The following BCAS3 variants were observed in gnomAD, a reference collection of about 807,000 sequenced individuals.
BCAS3 encodes the protein BCAS3 microtubule associated cell migration factor.
Under a neutral mutation model 116.1 loss-of-function variants are expected in BCAS3, and 53 were observed. The observed-to-expected ratio is 0.46, with a 90% CI of 0.37 to 0.57. The LOEUF (loss-of-function observed/expected upper bound fraction) is 0.57, where lower values mean the gene tolerates loss of function less well. Ranked by LOEUF, BCAS3 falls within the 20% of genes least tolerant of loss-of-function variation. The pLI, the probability that BCAS3 is intolerant of heterozygous loss-of-function variation, is 0.00. For synonymous variants in BCAS3, 391 were observed against 408.2 expected (o/e 0.96, Z 0.51); for missense variants, 917 against 1,165.4 (o/e 0.79, Z 3.10).
chr17:60,970,584 TAC>T (rs2061904580), intron 14 of BCAS3, among the ~76,000 whole-genome samples: 1 of 152,196 alleles, frequency 6.6e-6, no homozygotes, highest in African/African-American at 2.4e-5. Context: ...CAAAGCCTAT[TAC>T]CAGAGATATT....
intron 13 of BCAS3, among the ~76,000 whole-genome samples, chr17:60,943,122 C>T (rs2060308348): frequency 6.6e-6 from 1 of 152,010 alleles, no homozygotes; most frequent in African/African-American, 2.4e-5. Flanking sequence ...TTGAAATTAG[C>T]ATTTCATAAA....
In BCAS3 at chr17:61,281,233, A is replaced by T. The variant is rs1340042352; in HGVS notation, c.2426-87094A>T. Among the ~76,000 whole-genome samples the T allele has an allele frequency of 1.3e-5, 2 of 152,196 alleles. No homozygotes were observed. Among genetic ancestry groups the T allele is most frequent in the Non-Finnish European group, 2.9e-5 (2 of 68,024 alleles). On this transcript the variant is annotated intron_variant, in intron 22 of 23. Coordinates refer to ENST00000407086, the MANE Select transcript of BCAS3 (RefSeq NM_017679.5). This position sits in a 1 kb window ranked among gnomAD's most constrained non-coding sequence, Gnocchi z 4.2. ...TTCCACAATTTATTTCACAATGCCT[A>T]TTGTTGGATGTATAGATGGTCTTCA...
chr17:60,845,075 C>T (rs957411454), intron 7 of BCAS3, among the ~76,000 whole-genome samples: 1 of 152,060 alleles, frequency 6.6e-6, no homozygotes, highest in Non-Finnish European at 1.5e-5. Flanking sequence ...ACTAAAAATA[C>T]AAAAATTAGA....
intron 6 of BCAS3, among the ~76,000 whole-genome samples, chr17:60,806,810 C>T (rs1432593982): frequency 1.3e-5 from 2 of 152,134 alleles, no homozygotes; most frequent in African/African-American, 2.4e-5. Context: ...AGAGTACAGG[C>T]GTGAGCAGGC....
chr17:60,745,277 A>T (rs2041933309), intron 5 of BCAS3, among the ~76,000 whole-genome samples: 1 of 151,798 alleles, frequency 6.6e-6, no homozygotes, highest in Non-Finnish European at 1.5e-5. Flanking sequence ...TTTTTATTTT[A>T]TTAATAGAAA....
chr17:60,786,300 G>A (rs1025328122), intron 6 of BCAS3, among the ~76,000 whole-genome samples: 1 of 152,010 alleles, frequency 6.6e-6, no homozygotes, highest in African/African-American at 2.4e-5. Flanking sequence ...CCCTGTTTGG[G>A]TGTGTCCTTC....
chr17:61,063,935 G>A lies in BCAS3; in HGVS notation c.2030-10985G>A, dbSNP rs1299943870. Among the ~76,000 whole-genome samples, 1 of 152,040 alleles carries A rather than the reference G, an allele frequency of 6.6e-6. No homozygotes were observed. The highest frequency in any genetic ancestry group is 1.5e-5 in the Non-Finnish European group (1 of 68,004). ...ATTTGTAAACTGCTGATTTCTCTGG[G>A]GCATTGTCTCCATAAACTTTTGGTA... On this transcript the variant is annotated intron_variant, in intron 19 of 23. Coordinates refer to ENST00000407086, the MANE Select transcript of BCAS3 (RefSeq NM_017679.5). The surrounding 1 kb of genome is among the most constrained non-coding windows in gnomAD (Gnocchi z 5.3).
At chr17:61,069,607 G>A (rs2071092925) in intron 19 of BCAS3, among the ~76,000 whole-genome samples, 1 of 152,112 alleles carries the variant, frequency 6.6e-6, no homozygotes. Context: ...GGAGGCTAAG[G>A]CGGGTGGATC....
intron 18 of BCAS3, among the ~76,000 whole-genome samples, chr17:61,040,056 A>G (rs974691945): frequency 6.6e-6 from 1 of 152,234 alleles, no homozygotes; most frequent in African/African-American, 2.4e-5. Flanking sequence ...AAAACCTGGA[A>G]TAAAACCTCT....
chr17:61,048,247 CAG>C (rs1469370995), intron 19 of BCAS3, among the ~76,000 whole-genome samples: 6 of 152,070 alleles, frequency 3.9e-5, no homozygotes, highest in East Asian at 1.9e-4. Flanking sequence ...GATGGACTAA[CAG>C]GGGTCAGTTT....
At chr17:60,989,819 C>T (rs2063409509) in intron 14 of BCAS3, 152 bp from the exon 15 acceptor site, 3 of 767,320 alleles carry the variant, frequency 3.9e-6, no homozygotes, top group African/African-American at 3.5e-5. Context: ...TTGTGAAATG[C>T]ATCTGTAGAG....
chr17:61,154,379 G>A (rs1214716244), intron 22 of BCAS3, among the ~76,000 whole-genome samples: 1 of 151,870 alleles, frequency 6.6e-6, no homozygotes. Flanking sequence ...GATTTTCTTT[G>A]CAAAAATTCT....
At chr17:60,853,156 ATGCATAT>A (rs533571868) in intron 7 of BCAS3, among the ~76,000 whole-genome samples, 139 of 152,362 alleles carry the variant, frequency 9.1e-4, no homozygotes, top group African/African-American at 3.2e-3. Flanking sequence ...GGAGGAATGA[ATGCATAT>A]TACTCCGTAA....
At position 60,715,688 on chromosome 17, in the gene BCAS3, A is replaced by G. The variant is rs572409157; in HGVS notation, c.321+6363A>G. ...TTTTTAGTAGAGATGGGGTTTCACC[A>G]TATTGGCCAGTCTTGAACTCCTAAC... On this transcript the variant is annotated intron_variant, in intron 5 of 23. Transcript: ENST00000407086. 7.9e-5 allele frequency among the ~76,000 whole-genome samples: 12 copies of G among 151,444 alleles called. No homozygotes were observed. The East Asian group carries it at 2.4e-3, about 30-fold the overall frequency.
In BCAS3 at chr17:61,186,932, G is replaced by C. The variant is rs545128454; in HGVS notation, c.2425+102368G>C. Among the ~76,000 whole-genome samples, 137 of 152,164 alleles carry C rather than the reference G, an allele frequency of 9.0e-4. No homozygotes were observed. The highest frequency in any genetic ancestry group is 1.8e-3 in the Admixed American group (27 of 15,286). On this transcript the variant is annotated intron_variant, in intron 22 of 23. Coordinates refer to ENST00000407086, the MANE Select transcript of BCAS3 (RefSeq NM_017679.5). This position sits in a 1 kb window ranked among gnomAD's most constrained non-coding sequence, Gnocchi z 4.9. ...TCACCGTGTTAGCCAGGATGGTCTCGATCTCCTGACCTCGTGATCCACCCA... is the reference window on the plus strand; with the variant it reads ...TCACCGTGTTAGCCAGGATGGTCTCCATCTCCTGACCTCGTGATCCACCCA...
rs1210604137 is a variant in BCAS3, at chr17:61,344,079, G to A, written c.2426-24248G>A. 6.6e-6 allele frequency among the ~76,000 whole-genome samples: 1 copy of A among 152,108 alleles called. No homozygotes were observed. The highest frequency in any genetic ancestry group is 1.5e-5 in the Non-Finnish European group (1 of 68,008). On this transcript the variant is annotated intron_variant, in intron 22 of 23. Transcript: ENST00000407086. This position sits in a 1 kb window ranked among gnomAD's most constrained non-coding sequence, Gnocchi z 4.1. ...TAAGATCAGAGAGTAGAAGACTAGG[G>A]CCAGGAGCGTGGGACAGGCTAAGGA...
rs1455093321 is a variant in BCAS3, at chr17:61,056,063, C to T, written c.2029+15171C>T. ...GTAACCAGGCTGGAAAAGGATTTGA[C>T]CCTTCCTTGGTCACTGCATTCCAGA... On this transcript the variant is annotated intron_variant, in intron 19 of 23. Coordinates refer to ENST00000407086, the MANE Select transcript of BCAS3 (RefSeq NM_017679.5). The surrounding 1 kb of genome is among the most constrained non-coding windows in gnomAD (Gnocchi z 4.9). Among the ~76,000 whole-genome samples the T allele has an allele frequency of 6.6e-6, 1 of 152,192 alleles. No homozygotes were observed. The highest frequency in any genetic ancestry group is 1.9e-4 in the East Asian group (1 of 5,198).
At chr17:60,870,135 A>G (rs79441058) in intron 8 of BCAS3, among the ~76,000 whole-genome samples, 2,296 of 152,278 alleles carry the variant, frequency 0.015, 34 homozygotes, top group Middle Eastern at 0.037. Flanking sequence ...ATTGCTCCTC[A>G]TTCTCCAGAA....
chr17:60,845,390 G>A (rs1195542804), intron 7 of BCAS3, among the ~76,000 whole-genome samples: 1 of 152,204 alleles, frequency 6.6e-6, no homozygotes. Flanking sequence ...TGTTTAGGGA[G>A]ATTACTGTGA....
Sources: allele counts gnomAD v4.1 joint callset (sites outside exome capture counted in the v4.1 genomes callset), GRCh38; gene constraint gnomAD v4.1.1; non-coding constraint Gnocchi (gnomAD v3.1); transcripts MANE v1.5; gene names NCBI Gene and HGNC (gene_info 2026-07-23, HGNC 2026-07-21).